Variants in SECISBP2L observed in about 807,000 individuals in gnomAD.
SECISBP2L encodes SECIS binding protein 2 like.
A neutral mutation model predicts 114.7 loss-of-function variants in SECISBP2L; 43 were observed. The observed-to-expected ratio is 0.38, with a 90% CI of 0.29 to 0.48. The LOEUF (loss-of-function observed/expected upper bound fraction) is 0.48, where lower values mean the gene tolerates loss of function less well. SECISBP2L is among the 20% of genes least tolerant of loss of function. The probability of loss-of-function intolerance (pLI) is 0.98; values close to 1 mark genes in which losing one functional copy is unlikely to be tolerated. For missense variants in SECISBP2L, 1,136 were observed against 1,301.1 expected (o/e 0.87, Z 1.95); for synonymous variants, 451 against 439.7 (o/e 1.03, Z -0.32).
intron 7 of SECISBP2L, among the ~76,000 whole-genome samples, chr15:49,025,364 A>G (rs1238862996): frequency 6.6e-6 from 1 of 152,168 alleles, no homozygotes; most frequent in Non-Finnish European, 1.5e-5. Context: ...ATATCTGCAT[A>G]TACATACTGA....
chr15:49,036,770 A>T (rs950835444), intron 2 of SECISBP2L, among the ~76,000 whole-genome samples: 1 of 152,222 alleles, frequency 6.6e-6, no homozygotes, highest in Non-Finnish European at 1.5e-5. Flanking sequence ...TATACCATAC[A>T]TCCACAATTT....
At chr15:49,006,138 C>T (rs559180761) in intron 14 of SECISBP2L, among the ~76,000 whole-genome samples, 41 of 152,296 alleles carry the variant, frequency 2.7e-4, no homozygotes, top group East Asian at 1.9e-3. Flanking sequence ...GATGGCCTTA[C>T]CTTTCTGGGT....
Position 49,014,740 on chromosome 15 carries a change from TA to T in SECISBP2L, c.1561+1819del, listed in dbSNP as rs576916833. On this transcript the variant is annotated intron_variant, in intron 11 of 17. Transcript: ENST00000559471. ...TATTAAAAAGATATATAATTATATA[TA>T]AAACAATATATAGTTATATAATTTA... Among the ~76,000 whole-genome samples, 34 of 148,558 alleles carry T rather than the reference TA, an allele frequency of 2.3e-4. No homozygotes were observed. In the South Asian group the frequency reaches 6.5e-3, roughly 28 times the overall value.
At chr15:49,012,938 T>C in intron 11 of SECISBP2L, 121 bp from the exon 12 acceptor site, 1 of 893,654 alleles carries the variant, frequency 1.1e-6, no homozygotes, top group South Asian at 1.7e-5. Flanking sequence ...ATCATAACAG[T>C]AGGAGCACTA....
intron 11 of SECISBP2L, 194 bp downstream of exon 11, chr15:49,016,366 G>A (rs904382409): frequency 2.1e-6 from 1 of 465,148 alleles, no homozygotes. Context: ...GGTGTGGAAA[G>A]GAGCATGGAC....
At chr15:49,020,931 T>G (rs956597316) in intron 7 of SECISBP2L, among the ~76,000 whole-genome samples, 2 of 152,190 alleles carry the variant, frequency 1.3e-5, no homozygotes, top group African/African-American at 2.4e-5. Flanking sequence ...AGAATAAGCT[T>G]TTATTAAATC....
intron 7 of SECISBP2L, among the ~76,000 whole-genome samples, chr15:49,021,900 T>C (rs1028278882): frequency 2.0e-4 from 31 of 152,150 alleles, no homozygotes; most frequent in Admixed American, 2.0e-3. Flanking sequence ...AAGAGTTTTG[T>C]TGATAGAAAG....
intron 14 of SECISBP2L, among the ~76,000 whole-genome samples, 184 bp from the exon 15 acceptor site, chr15:49,001,281 A>G (rs1243230666): frequency 6.6e-6 from 1 of 152,212 alleles, no homozygotes; most frequent in Non-Finnish European, 1.5e-5. Flanking sequence ...GAAGAGTGAT[A>G]CAGATATTCC....
At chr15:49,011,982 G>A in intron 12 of SECISBP2L, 119 bp from the exon 13 acceptor site, 1 of 1,129,060 alleles carries the variant, frequency 8.9e-7, no homozygotes, top group Non-Finnish European at 1.3e-6. Context: ...TGAGAAGTTT[G>A]GCTAACTGGC....
At chr15:49,039,169 C>T (rs1903069865) in intron 1 of SECISBP2L, among the ~76,000 whole-genome samples, 1 of 152,150 alleles carries the variant, frequency 6.6e-6, no homozygotes. Context: ...TACATTTGTA[C>T]TATTAACCAA....
rs148049088 is a variant in SECISBP2L, at chr15:49,022,237, C to G, written c.1036-2685G>C. 5.4e-3 allele frequency among the ~76,000 whole-genome samples: 823 copies of G among 152,286 alleles called. 8 individuals are homozygous for G. Among genetic ancestry groups the G allele is most frequent in the African/African-American group, 0.019 (787 of 41,566 alleles). On this transcript the variant is annotated intron_variant, in intron 7 of 17. Transcript: ENST00000559471. ...GGCTCAAGCGCTCCTCCCACCTCAGCCTCCCAAGTAGCTAGGACTATGGGT... is the reference window on the plus strand; with the variant it reads ...GGCTCAAGCGCTCCTCCCACCTCAGGCTCCCAAGTAGCTAGGACTATGGGT...
chr15:49,042,380 G>A lies in SECISBP2L; in HGVS notation c.24+3896C>T, dbSNP rs79038236. On this transcript the variant is annotated intron_variant, in intron 1 of 17. Transcript: ENST00000559471. ...ACTATGTTGTCCAGGCTGGAGTACA[G>A]TGGCTATTCACAGGTGTGATCTCAC... is the stretch of plus-strand genomic sequence containing the variant. 1,081 of 152,450 alleles carry A rather than the reference G, an allele frequency of 7.1e-3. 16 individuals are homozygous for A. The highest frequency in any genetic ancestry group is 0.025 in the African/African-American group (1,040 of 41,546). The allele number at this position is 152,450 out of a possible 1,614,324, so 9.4% of individuals were successfully genotyped here. A position where few individuals can be genotyped will look rare whatever the true frequency, so the allele number is the denominator to read the frequency against.
intron 5 of SECISBP2L, 93 bp downstream of exon 5, chr15:49,028,360 T>C (rs1279693580): frequency 8.2e-7 from 1 of 1,214,900 alleles, no homozygotes; most frequent in East Asian, 2.3e-5. Context: ...CAGGAATTGC[T>C]AATGAAAACA....
chr15:48,995,740 AT>A (rs1902072556), intron 17 of SECISBP2L, among the ~76,000 whole-genome samples: 1 of 152,222 alleles, frequency 6.6e-6, no homozygotes, highest in South Asian at 2.1e-4. Flanking sequence ...CAATAAATAA[AT>A]GTTAAACATT....
chr15:49,020,925 T>C (rs1902629029), intron 7 of SECISBP2L, among the ~76,000 whole-genome samples: 1 of 152,212 alleles, frequency 6.6e-6, no homozygotes, highest in Admixed American at 6.5e-5. Flanking sequence ...TTTAAGAGAA[T>C]AAGCTTTTAT....
intron 14 of SECISBP2L, among the ~76,000 whole-genome samples, chr15:49,004,831 G>A (rs181303021): frequency 6.6e-6 from 1 of 152,296 alleles, no homozygotes; most frequent in Admixed American, 6.5e-5. Context: ...TGCATTTGCT[G>A]AGGAGTGTTT....
chr15:48,994,777 T>TCCCTCCTCAC (rs961116165), intron 17 of SECISBP2L, among the ~76,000 whole-genome samples: 16 of 145,834 alleles, frequency 1.1e-4, no homozygotes, highest in African/African-American at 3.2e-4. Context: ...ACCTTCCTCA[T>TCCCTCCTCAC]CCCTCCTCAC....
intron 7 of SECISBP2L, among the ~76,000 whole-genome samples, chr15:49,022,944 G>A (rs1325128790): frequency 1.3e-5 from 2 of 151,384 alleles, no homozygotes; most frequent in Admixed American, 6.6e-5. Flanking sequence ...ATACACTAGA[G>A]GAAAAAACAA....
At chr15:49,033,128 A>G (rs1902933581) in intron 3 of SECISBP2L, 28 bp from the exon 4 acceptor site, 2 of 1,598,754 alleles carry the variant, frequency 1.3e-6, no homozygotes, top group Non-Finnish European at 1.7e-6. Flanking sequence ...CAAAAAAACA[A>G]AAAACACACA....
Sources: gnomAD v4.1 joint callset for allele counts (sites outside exome capture counted in the v4.1 genomes callset) on GRCh38, gnomAD v4.1.1 for gene constraint, MANE v1.5 for transcripts, NCBI Gene and HGNC (gene_info 2026-07-23, HGNC 2026-07-21) for gene names.